Variants in ZRANB3 observed in about 807,000 individuals in gnomAD.
ZRANB3 encodes DNA annealing helicase and endonuclease ZRANB3.
A neutral mutation model predicts 133.8 loss-of-function variants in ZRANB3; 125 were observed. The ratio of observed to expected loss-of-function variants is 0.93; its 90% CI spans 0.81 to 1.08. The LOEUF is 1.08. Ranked by LOEUF, ZRANB3 falls within the 50% of genes least tolerant of loss-of-function variation. The probability of loss-of-function intolerance (pLI) is 0.00; values close to 1 mark genes in which losing one functional copy is unlikely to be tolerated. For missense variants in ZRANB3, 1,229 were observed against 1,275.5 expected, an observed-to-expected ratio of 0.96 and a Z score of 0.56; for synonymous variants, 387 against 432.7, an observed-to-expected ratio of 0.89 and a Z score of 1.31.
chr2:135,489,368 T>G (rs1692276625), intron 2 of ZRANB3, among the ~76,000 whole-genome samples: 1 of 146,848 alleles, frequency 6.8e-6, no homozygotes, highest in South Asian at 2.2e-4. Flanking sequence ...AAATGATGAG[T>G]TAATGGGTGC....
chr2:135,265,343 G>A lies in ZRANB3; in HGVS notation c.1539+191C>T, dbSNP rs555794357. On this transcript the variant is annotated intron_variant, in intron 12 of 20. Coordinates refer to ENST00000264159, the MANE Select transcript of ZRANB3 (RefSeq NM_032143.4). Reference sequence around the variant, plus strand: ...ATTTTATTCAGTTTGTTTATCCGAGGAGCTGAACAGTAAGTACTAAAACTG... The same window carrying A: ...ATTTTATTCAGTTTGTTTATCCGAGAAGCTGAACAGTAAGTACTAAAACTG... Among the ~76,000 whole-genome samples, 14 of 152,082 alleles carry A rather than the reference G, an allele frequency of 9.2e-5. No individual in the cohort carries two copies. The East Asian group carries it at 1.5e-3, about 17-fold the overall frequency.
At position 135,279,816 on chromosome 2, in the gene ZRANB3, T is replaced by C. The variant is rs189010627; in HGVS notation, c.967-4061A>G. Among the ~76,000 whole-genome samples, 46 of 152,342 alleles carry C rather than the reference T, an allele frequency of 3.0e-4. 1 individual carries two copies. The highest frequency in any genetic ancestry group is 1.1e-3 in the African/African-American group (46 of 41,588). On this transcript the variant is annotated intron_variant, in intron 8 of 20. Transcript: ENST00000264159. ...ATTACATAACTGACTAAATAGGCTC[T>C]TAGGACTAACAAAGCAATTTAACCA...
At chr2:135,444,324 T>C (rs975478367) in intron 2 of ZRANB3, among the ~76,000 whole-genome samples, 1 of 152,156 alleles carries the variant, frequency 6.6e-6, no homozygotes, top group East Asian at 1.9e-4. Flanking sequence ...ATGGGAATGT[T>C]CATAACAGCT....
chr2:135,246,682 C>T (rs1478486128), intron 12 of ZRANB3, among the ~76,000 whole-genome samples: 1 of 152,158 alleles, frequency 6.6e-6, no homozygotes, highest in Non-Finnish European at 1.5e-5. Flanking sequence ...AGAACATATT[C>T]CTCTCTTCAG....
intron 11 of ZRANB3, among the ~76,000 whole-genome samples, chr2:135,268,592 C>T (rs573582437): frequency 2.3e-3 from 357 of 152,156 alleles, no homozygotes; most frequent in Non-Finnish European, 3.7e-3. Flanking sequence ...GTACAGGCTA[C>T]CTTCTGTCCA....
chr2:135,401,418 T>C (rs1374684720), intron 2 of ZRANB3, among the ~76,000 whole-genome samples: 1 of 152,068 alleles, frequency 6.6e-6, no homozygotes, highest in African/African-American at 2.4e-5. Flanking sequence ...GCCTTAGAAG[T>C]TGTGGTAGAG....
At chr2:135,461,084 T>C (rs557369934) in intron 2 of ZRANB3, among the ~76,000 whole-genome samples, 3 of 152,296 alleles carry the variant, frequency 2.0e-5, no homozygotes, top group Admixed American at 2.0e-4. Flanking sequence ...TGGATAGCAA[T>C]AGAGAACAGG....
intron 2 of ZRANB3, among the ~76,000 whole-genome samples, chr2:135,463,689 T>C (rs1319111410): frequency 2.0e-5 from 3 of 152,168 alleles, no homozygotes; most frequent in Admixed American, 6.5e-5. Flanking sequence ...AGTGCTAGGA[T>C]TACAGGCATG....
At chr2:135,237,278 A>G (rs1316417925) in intron 12 of ZRANB3, among the ~76,000 whole-genome samples, 2 of 149,434 alleles carry the variant, frequency 1.3e-5, no homozygotes, top group Non-Finnish European at 3.0e-5. Flanking sequence ...AATCATTAAA[A>G]AGTCAGGAAA....
intron 1 of ZRANB3, among the ~76,000 whole-genome samples, chr2:135,524,484 A>T (rs1694071332): frequency 6.6e-6 from 1 of 152,198 alleles, no homozygotes; most frequent in African/African-American, 2.4e-5. Context: ...ATGAAATGAA[A>T]TACTTGGCTT....
intron 2 of ZRANB3, among the ~76,000 whole-genome samples, chr2:135,395,009 T>A (rs1687422699): frequency 7.1e-6 from 1 of 141,262 alleles, no homozygotes; most frequent in African/African-American, 2.6e-5. Context: ...AAAACAATTC[T>A]AAAACTTATA....
chr2:135,411,805 T>C (rs1374569335), intron 2 of ZRANB3, among the ~76,000 whole-genome samples: 4 of 152,100 alleles, frequency 2.6e-5, no homozygotes, highest in Admixed American at 6.6e-5. Flanking sequence ...TGAAAAACTA[T>C]TGAGTATGTT....
intron 9 of ZRANB3, among the ~76,000 whole-genome samples, chr2:135,274,593 C>A (rs186805737): frequency 4.0e-5 from 6 of 151,388 alleles, no homozygotes; most frequent in Non-Finnish European, 7.4e-5. Context: ...TTTTTAGCAA[C>A]CTTTTTTTAA....
intron 3 of ZRANB3, among the ~76,000 whole-genome samples, chr2:135,377,506 C>T (rs945030479): frequency 6.6e-6 from 1 of 151,968 alleles, no homozygotes; most frequent in African/African-American, 2.4e-5. Flanking sequence ...TAAGAAAATG[C>T]TCAAAAACCC....
chr2:135,229,713 CAAT>C (rs1694911171), intron 13 of ZRANB3, among the ~76,000 whole-genome samples: 4 of 152,064 alleles, frequency 2.6e-5, no homozygotes, highest in South Asian at 4.2e-4. Flanking sequence ...TAGATGTGTA[CAAT>C]TATTACAACT....
rs141140871 is a variant in ZRANB3 at position 135,487,488 on chromosome 2, A to G, written c.161+16841T>C. Among the ~76,000 whole-genome samples the G allele has an allele frequency of 5.5e-3, 841 of 152,340 alleles. 5 individuals carry two copies. The highest frequency in any genetic ancestry group is 9.1e-3 in the Non-Finnish European group (617 of 68,028). ...AAGTTTTAGATGGTATTTTCATCCAATAGAAGCCTGTTTCATCTACATTCA... is the reference window on the plus strand; with the variant it reads ...AAGTTTTAGATGGTATTTTCATCCAGTAGAAGCCTGTTTCATCTACATTCA... On this transcript the variant is annotated intron_variant, in intron 2 of 20. Coordinates refer to ENST00000264159, the MANE Select transcript of ZRANB3 (RefSeq NM_032143.4).
intron 15 of ZRANB3, 151 bp downstream of exon 15, chr2:135,224,275 C>T (rs1347753500): frequency 1.9e-5 from 12 of 617,058 alleles, no homozygotes; most frequent in Non-Finnish European, 3.0e-5. Context: ...CTCTCATTGT[C>T]TGTAGATTTA....
intron 3 of ZRANB3, among the ~76,000 whole-genome samples, chr2:135,372,856 C>T (rs1022959818): frequency 6.7e-6 from 1 of 150,064 alleles, no homozygotes; most frequent in Non-Finnish European, 1.5e-5. Flanking sequence ...GAGGCCAAGG[C>T]AGGATTGCTT....
At chr2:135,404,177 C>A (rs1687889449) in intron 2 of ZRANB3, among the ~76,000 whole-genome samples, 1 of 152,034 alleles carries the variant, frequency 6.6e-6, no homozygotes, top group African/African-American at 2.4e-5. Context: ...AAGTTCAAAC[C>A]CATGGCAAAT....
Sources: gnomAD v4.1 joint callset for allele counts (sites outside exome capture counted in the v4.1 genomes callset) on GRCh38, gnomAD v4.1.1 for gene constraint, MANE v1.5 for transcripts, NCBI Gene and HGNC (gene_info 2026-07-23, HGNC 2026-07-21) for gene names.